The following ARHGAP32 variants were observed in gnomAD, a reference collection of about 807,000 sequenced individuals.
ARHGAP32 encodes the protein Rho GTPase activating protein 32, also known as rho GTPase-activating protein 32.
In ARHGAP32, 51 loss-of-function variants were observed where a neutral mutation model predicts 186.5. The ratio of observed to expected loss-of-function variants is 0.27; its 90% CI spans 0.22 to 0.35. The LOEUF (loss-of-function observed/expected upper bound fraction) is 0.35. Among genes scored for constraint, ARHGAP32 ranks in the 10% least tolerant of loss-of-function variants. ARHGAP32 has a pLI of 1.00. For synonymous variants in ARHGAP32, 950 were observed against 964.3 expected (o/e 0.99, Z 0.27); for missense variants, 2,186 against 2,623.5 (o/e 0.83, Z 3.64).
intron 2 of ARHGAP32, among the ~76,000 whole-genome samples, chr11:129,161,193 TA>T (rs1350536641): frequency 1.3e-4 from 19 of 151,784 alleles, no homozygotes; most frequent in African/African-American, 4.6e-4. Context: ...CCTAAAACCA[TA>T]AAAACCCTAG....
At chr11:129,154,123 G>GA (rs1158794750) in intron 2 of ARHGAP32, among the ~76,000 whole-genome samples, 2 of 151,846 alleles carry the variant, frequency 1.3e-5, no homozygotes, top group Non-Finnish European at 2.9e-5. Flanking sequence ...ACAAACACAT[G>GA]AAAAAATGCT....
At chr11:129,053,129 A>T (rs921781596) in intron 10 of ARHGAP32, among the ~76,000 whole-genome samples, 2 of 152,152 alleles carry the variant, frequency 1.3e-5, no homozygotes, top group African/African-American at 2.4e-5. Context: ...ATGCTGATTT[A>T]AAAAATTGAG....
chr11:129,153,306 G>T (rs2439806), intron 2 of ARHGAP32, among the ~76,000 whole-genome samples: 97,003 of 151,880 alleles, frequency 0.64, 31,412 homozygotes, highest in Non-Finnish European at 0.7. Flanking sequence ...ATGACCATAC[G>T]GCCAAAAGCA....
At chr11:129,093,811 T>A in intron 5 of ARHGAP32, 104 bp from the exon 6 acceptor site, 1 of 772,834 alleles carries the variant, frequency 1.3e-6, no homozygotes, top group Non-Finnish European at 2.2e-6. Context: ...CGGGTGAGCA[T>A]CAGCTTAATG....
intron 1 of ARHGAP32, among the ~76,000 whole-genome samples, chr11:129,250,300 A>C (rs1945163425): frequency 1.3e-5 from 2 of 152,188 alleles, no homozygotes; most frequent in Admixed American, 6.5e-5. Flanking sequence ...AGAGGAATGT[A>C]ATCACTAACT....
At chr11:129,193,603 A>AATATATAATATATGTTATATAAT (rs1410218731), upstream of ARHGAP32, among the ~76,000 whole-genome samples, 20 of 69,708 alleles carry the variant, frequency 2.9e-4, 2 homozygotes, top group South Asian at 2.5e-3. Flanking sequence ...TGTTATATAT[A>AATATATAATATATGTTATATAAT]ATATATAATA....
In ARHGAP32 at chr11:128,972,618, C is replaced by T; in HGVS notation, c.3888G>A (p.Val1296=). 1 of 1,610,522 alleles carries T rather than the reference C, an allele frequency of 6.2e-7. No homozygotes were observed. Among genetic ancestry groups the T allele is most frequent in the East Asian group, 2.2e-5 (1 of 44,814 alleles). ...QMSTKEASWD[V]AEQPTTADFA... Reference sequence around the variant, plus strand: ...AATCAGCAGTGGTGGGTTGTTCAGCCACATCCCAGCTGGCTTCCTTGGTGC... The same window carrying T: ...AATCAGCAGTGGTGGGTTGTTCAGCTACATCCCAGCTGGCTTCCTTGGTGC... The change falls in exon 22 of 23, where the codon GTG becomes GTA. Residue 1296 remains valine (V), a synonymous_variant. Coordinates refer to ENST00000682385, the MANE Select transcript of ARHGAP32 (RefSeq NM_001378024.1).
At chr11:129,276,080 C>T (rs1267496970) in intron 1 of ARHGAP32, among the ~76,000 whole-genome samples, 1 of 152,170 alleles carries the variant, frequency 6.6e-6, no homozygotes, top group Admixed American at 6.5e-5. Context: ...ATTTGGAGGC[C>T]AGCCTGTGCA....
At position 129,011,132 on chromosome 11, in the gene ARHGAP32, G is replaced by A. The variant is rs186548313; in HGVS notation, c.1046-12664C>T. Among the ~76,000 whole-genome samples the A allele has an allele frequency of 5.9e-3, 894 of 152,214 alleles. 14 individuals are homozygous for A. Among genetic ancestry groups the A allele is most frequent in the African/African-American group, 0.02 (846 of 41,552 alleles). ...ACAATGAATGATTAAATAGTAATAC[G>A]GATATAGCCAGCATTTACTTTACAC... is the stretch of plus-strand genomic sequence containing the variant. On this transcript the variant is annotated intron_variant, in intron 11 of 22. Coordinates refer to ENST00000682385, the MANE Select transcript of ARHGAP32 (RefSeq NM_001378024.1).
intron 2 of ARHGAP32, among the ~76,000 whole-genome samples, chr11:129,164,079 C>T (rs1219719781): frequency 1.3e-5 from 2 of 152,078 alleles, no homozygotes; most frequent in African/African-American, 4.8e-5. Context: ...TCTGTGACTA[C>T]CCTATATAAT....
chr11:129,042,206 A>C (rs1228326190), intron 10 of ARHGAP32, among the ~76,000 whole-genome samples: 1 of 152,154 alleles, frequency 6.6e-6, no homozygotes, highest in East Asian at 1.9e-4. Context: ...GCTGGAGTGC[A>C]GTGGCACAAT....
At chr11:129,029,783 C>G (rs1050222457) in intron 11 of ARHGAP32, among the ~76,000 whole-genome samples, 1 of 101,918 alleles carries the variant, frequency 9.8e-6, no homozygotes, top group East Asian at 3.3e-4. Context: ...GCCTGGGGGA[C>G]AGAGGGAGAC....
intron 19 of ARHGAP32, among the ~76,000 whole-genome samples, chr11:128,977,834 G>C (rs557638109): frequency 4.1e-5 from 6 of 147,914 alleles, no homozygotes; most frequent in Non-Finnish European, 7.4e-5. Flanking sequence ...GTGCCACCAA[G>C]CCTCGCTTAT....
chr11:129,081,922 T>C (rs552044929), intron 6 of ARHGAP32, among the ~76,000 whole-genome samples: 4 of 152,118 alleles, frequency 2.6e-5, no homozygotes, highest in Non-Finnish European at 5.9e-5. Flanking sequence ...ACAAAGTCAA[T>C]GTACACAAAT....
intron 1 of ARHGAP32, among the ~76,000 whole-genome samples, chr11:129,248,010 T>C (rs1945123770): frequency 6.6e-6 from 1 of 152,036 alleles, no homozygotes; most frequent in Non-Finnish European, 1.5e-5. Flanking sequence ...AATCATAGCA[T>C]CTGATTAAAA....
chr11:129,151,720 G>C (rs186989898), intron 2 of ARHGAP32, among the ~76,000 whole-genome samples: 26 of 152,106 alleles, frequency 1.7e-4, no homozygotes, highest in Non-Finnish European at 1.5e-5. Flanking sequence ...CAGCAAAAAC[G>C]GTGCAAAGAG....
At chr11:129,059,631 C>G (rs1292264767) in intron 10 of ARHGAP32, among the ~76,000 whole-genome samples, 1 of 151,440 alleles carries the variant, frequency 6.6e-6, no homozygotes, top group Non-Finnish European at 1.5e-5. Flanking sequence ...TCCCAAGCAG[C>G]TGGGATTACA....
chr11:129,028,186 A>T (rs1938946916), intron 11 of ARHGAP32, among the ~76,000 whole-genome samples: 1 of 152,250 alleles, frequency 6.6e-6, no homozygotes, highest in African/African-American at 2.4e-5. Flanking sequence ...GAAAAAAGAC[A>T]TATAGAAAGT....
chr11:129,125,035 G>T, intron 2 of ARHGAP32, 141 bp from the exon 3 acceptor site: 1 of 537,450 alleles, frequency 1.9e-6, no homozygotes, highest in Non-Finnish European at 3.2e-6. Flanking sequence ...TAAAATTACT[G>T]AGTTTTAATT....
Sources: gnomAD v4.1 joint callset for allele counts (sites outside exome capture counted in the v4.1 genomes callset) on GRCh38, gnomAD v4.1.1 for gene constraint, MANE v1.5 for transcripts, NCBI Gene and HGNC (gene_info 2026-07-23, HGNC 2026-07-21) for gene names.